CSMD1: variants seen among roughly 807,000 people sequenced by gnomAD.
CSMD1 encodes CUB and Sushi multiple domains 1, also known as CUB and sushi domain-containing protein 1.
CSMD1 carries 213 observed loss-of-function variants against 417.5 expected under a neutral mutation model. That is an observed-to-expected ratio of 0.51 (90% CI 0.46 to 0.57). The LOEUF is 0.57. Ranked by LOEUF, CSMD1 falls within the 20% of genes least tolerant of loss-of-function variation. The pLI, the probability that CSMD1 is intolerant of heterozygous loss-of-function variation, is 0.00. For synonymous variants in CSMD1, 2,862 were observed against 1,736.8 expected, an observed-to-expected ratio of 1.65 and a Z score of -16.11; for missense variants, 6,923 against 4,529.7, an observed-to-expected ratio of 1.53 and a Z score of -15.17.
intron 1 of CSMD1, among the ~76,000 whole-genome samples, chr8:4,961,510 C>A (rs1412694675): frequency 6.6e-6 from 1 of 152,052 alleles, no homozygotes; most frequent in Non-Finnish European, 1.5e-5. Flanking sequence ...CAATAAGTAT[C>A]CATTAGTTTG....
At chr8:3,972,928 G>T (rs1813185464) in intron 5 of CSMD1, among the ~76,000 whole-genome samples, 1 of 152,106 alleles carries the variant, frequency 6.6e-6, no homozygotes, top group Non-Finnish European at 1.5e-5. Context: ...GGCAAAGTAG[G>T]AAATGAAGGA....
At chr8:3,329,145 G>A (rs1053052910) in intron 23 of CSMD1, among the ~76,000 whole-genome samples, 1 of 152,164 alleles carries the variant, frequency 6.6e-6, no homozygotes, top group African/African-American at 2.4e-5. Context: ...TGTAATTGAA[G>A]GAGAGAGGCG....
intron 10 of CSMD1, among the ~76,000 whole-genome samples, chr8:3,525,348 TG>T (rs1797710140): frequency 6.6e-6 from 1 of 152,180 alleles, no homozygotes; most frequent in Admixed American, 6.5e-5. Context: ...AAAAGCACTC[TG>T]GGAGGCAGGA....
intron 23 of CSMD1, among the ~76,000 whole-genome samples, chr8:3,314,700 T>C (rs1316786642): frequency 6.6e-6 from 1 of 152,248 alleles, no homozygotes; most frequent in Admixed American, 6.5e-5. Context: ...CTTCTCCATA[T>C]ATGTTGCATG....
At chr8:3,342,672 G>C (rs945653252) in intron 23 of CSMD1, among the ~76,000 whole-genome samples, 1 of 151,968 alleles carries the variant, frequency 6.6e-6, no homozygotes, top group Non-Finnish European at 1.5e-5. Flanking sequence ...ACATTGATTT[G>C]TTCATACAGA....
chr8:4,467,004 T>C (rs1264220826), intron 2 of CSMD1, among the ~76,000 whole-genome samples: 1 of 151,584 alleles, frequency 6.6e-6, no homozygotes, highest in Non-Finnish European at 1.5e-5. Context: ...TTTCTCAACA[T>C]AGCTCAACTG....
intron 2 of CSMD1, among the ~76,000 whole-genome samples, chr8:4,522,554 G>A (rs1376655381): frequency 1.3e-5 from 2 of 152,170 alleles, no homozygotes; most frequent in Non-Finnish European, 2.9e-5. Context: ...TCACATAACT[G>A]ATAATTCTGT....
intron 5 of CSMD1, among the ~76,000 whole-genome samples, chr8:3,822,517 A>G (rs1463873979): frequency 6.6e-6 from 1 of 152,210 alleles, no homozygotes. Context: ...ATGCACAGCA[A>G]AGTTAATTAA....
chr8:4,660,266 G>A (rs992380851), intron 1 of CSMD1, among the ~76,000 whole-genome samples: 7 of 152,084 alleles, frequency 4.6e-5, no homozygotes, highest in African/African-American at 1.7e-4. Flanking sequence ...ATTTTATTAA[G>A]TCTGTAACAT....
intron 1 of CSMD1, among the ~76,000 whole-genome samples, chr8:4,794,555 C>T (rs1241541778): frequency 6.6e-6 from 1 of 152,158 alleles, no homozygotes; most frequent in Admixed American, 6.5e-5. Flanking sequence ...CCACGTCCAC[C>T]TATGTGCTGA....
chr8:4,369,832 T>G (rs1018871357), intron 3 of CSMD1, among the ~76,000 whole-genome samples: 3 of 152,210 alleles, frequency 2.0e-5, no homozygotes, highest in African/African-American at 7.2e-5. Context: ...GTGTTGTTAC[T>G]TGTAAGACGA....
At chr8:4,150,538 G>A (rs1184389349) in intron 3 of CSMD1, among the ~76,000 whole-genome samples, 4 of 152,166 alleles carry the variant, frequency 2.6e-5, no homozygotes, top group Non-Finnish European at 4.4e-5. Context: ...TCTTCCAAGT[G>A]TAATGAATTA....
At chr8:4,119,063 G>C (rs978161285) in intron 3 of CSMD1, among the ~76,000 whole-genome samples, 3 of 152,038 alleles carry the variant, frequency 2.0e-5, no homozygotes, top group African/African-American at 7.3e-5. Flanking sequence ...GACACAGGGA[G>C]GGGAACATCA....
Position 3,214,499 on chromosome 8 carries a change from T to C in CSMD1, c.4865A>G (p.Asn1622Ser), listed in dbSNP as rs770331397. 1.9e-5 allele frequency: 30 copies of C among 1,590,528 alleles called. No individual in the cohort carries two copies. In the South Asian group the frequency reaches 2.1e-4, roughly 11 times the overall value. The change falls in exon 30 of 70, where the codon AAT (asparagine) becomes AGT (serine). Residue 1622 changes from asparagine to serine, a missense_variant and splice_region_variant. Coordinates refer to ENST00000635120, the MANE Select transcript of CSMD1 (RefSeq NM_033225.6). ...AAAATACCCAAGCGTGCACTCACCA[T>C]TGCAGGAGGGCAGCACTTGGTCCCA... ...PSWDQVLPSC[N>S]APCGGQYTGS...
chr8:4,190,887 G>C (rs73658448), intron 3 of CSMD1, among the ~76,000 whole-genome samples: 4,200 of 151,356 alleles, frequency 0.028, 221 homozygotes, highest in African/African-American at 0.096. Context: ...TTCTAAGAGG[G>C]AGCTAAATTG....
chr8:3,645,789 T>C (rs1797544311), intron 7 of CSMD1, among the ~76,000 whole-genome samples: 1 of 152,274 alleles, frequency 6.6e-6, no homozygotes, highest in East Asian at 1.9e-4. Context: ...ACAGAAAACA[T>C]ACCAAAACAA....
intron 3 of CSMD1, among the ~76,000 whole-genome samples, chr8:4,199,859 G>A (rs1467745842): frequency 6.6e-6 from 1 of 152,032 alleles, no homozygotes; most frequent in Non-Finnish European, 1.5e-5. Flanking sequence ...CCTTTACAAG[G>A]GCTTACCATG....
intron 5 of CSMD1, among the ~76,000 whole-genome samples, chr8:3,978,614 G>A (rs1287304919): frequency 3.3e-5 from 5 of 152,082 alleles, no homozygotes; most frequent in Non-Finnish European, 1.5e-5. Context: ...TAAATAATTG[G>A]AAGGAAACGT....
At chr8:4,645,296 T>C (rs948489043) in intron 1 of CSMD1, among the ~76,000 whole-genome samples, 3 of 152,004 alleles carry the variant, frequency 2.0e-5, no homozygotes, top group Non-Finnish European at 4.4e-5. Context: ...CCCTCTGCTG[T>C]TGCCCCCAGG....
Sources: gnomAD v4.1 joint callset for allele counts (sites outside exome capture counted in the v4.1 genomes callset) on GRCh38, gnomAD v4.1.1 for gene constraint, MANE v1.5 for transcripts, NCBI Gene and HGNC (gene_info 2026-07-23, HGNC 2026-07-21) for gene names.